HNF4A: variants seen among roughly 807,000 people sequenced by gnomAD.
The protein encoded by HNF4A is hepatocyte nuclear factor 4 alpha, also known as hepatocyte nuclear factor 4-alpha.
A neutral mutation model predicts 52.4 loss-of-function variants in HNF4A; 15 were observed. The ratio of observed to expected loss-of-function variants is 0.29; its 90% CI spans 0.19 to 0.44. The LOEUF (loss-of-function observed/expected upper bound fraction) is 0.44, where lower values mean the gene tolerates loss of function less well. Among genes scored for constraint, HNF4A ranks in the 20% least tolerant of loss-of-function variants. The probability of loss-of-function intolerance (pLI) is 1.00; values close to 1 mark genes in which losing one functional copy is unlikely to be tolerated. For missense variants in HNF4A, 479 were observed against 647.2 expected, an observed-to-expected ratio of 0.74 and a Z score of 2.82; for synonymous variants, 280 against 264.4, an observed-to-expected ratio of 1.06 and a Z score of -0.57.
At chr20:44,384,361 G>T (rs1377706122) in intron 1 of HNF4A, among the ~76,000 whole-genome samples, 1 of 151,906 alleles carries the variant, frequency 6.6e-6, no homozygotes, top group Non-Finnish European at 1.5e-5. Flanking sequence ...GAAGTGAGTT[G>T]ATGTAAGAAA....
intron 1 of HNF4A, among the ~76,000 whole-genome samples, chr20:44,365,130 A>G (rs1600632830): frequency 6.6e-6 from 1 of 152,260 alleles, no homozygotes; most frequent in East Asian, 1.9e-4. Context: ...ACAAGTGTAA[A>G]TATACAATTT....
chr20:44,384,830 A>G (rs1020088717), intron 1 of HNF4A, among the ~76,000 whole-genome samples: 3 of 152,160 alleles, frequency 2.0e-5, no homozygotes, highest in African/African-American at 7.2e-5. Context: ...AGATAGGCTG[A>G]GTCATGACTC....
upstream of HNF4A, chr20:44,401,238 C>T: frequency 6.5e-7 from 1 of 1,546,378 alleles, no homozygotes; most frequent in Non-Finnish European, 8.7e-7. Flanking sequence ...AGACTCCCAG[C>T]AGATCTTCCC....
At position 44,401,412 on chromosome 20, in the gene HNF4A, G is replaced by A. The variant is rs761696474; in HGVS notation, c.40G>A (p.Asp14Asn). The A allele has an allele frequency of 7.4e-6, 12 of 1,614,048 alleles. No homozygotes were observed. The highest frequency in any genetic ancestry group is 4.5e-5 in the East Asian group (2 of 44,886). ...AACCCTCGTCGACATGGACATGGCC[G>A]ACTACAGTGCTGCACTGGACCCAGC... The change falls in exon 1 of 10, where the codon GAC becomes AAC. Residue 14 changes from aspartate (D) to asparagine (N), a missense_variant. Around this residue, in one of 3 missense-constraint regions of HNF4A, gnomAD observed 90 missense variants for 105.5 expected, o/e 0.85. Transcript: ENST00000316099.
chr20:44,373,880 G>T (rs908370965), intron 1 of HNF4A, among the ~76,000 whole-genome samples: 1 of 151,864 alleles, frequency 6.6e-6, no homozygotes, highest in African/African-American at 2.4e-5. Flanking sequence ...AGTAGAGGTG[G>T]GGTTTCACCA....
upstream of HNF4A, among the ~76,000 whole-genome samples, chr20:44,400,483 T>C (rs1371951721): frequency 6.6e-6 from 1 of 152,030 alleles, no homozygotes; most frequent in African/African-American, 2.4e-5. Flanking sequence ...AGGAGAATCA[T>C]TTACCCAAGG....
At chr20:44,428,543 G>A in intron 9 of HNF4A, 56 bp downstream of exon 9, 4 of 1,552,620 alleles carry the variant, frequency 2.6e-6, no homozygotes, top group Middle Eastern at 1.7e-4. Context: ...CTTAAGACAG[G>A]AGGCAGGAGA....
At chr20:44,423,686 A>G (rs2063778202) in intron 7 of HNF4A, among the ~76,000 whole-genome samples, 1 of 152,234 alleles carries the variant, frequency 6.6e-6, no homozygotes, top group African/African-American at 2.4e-5. Context: ...GACAAGTCCT[A>G]TCTTTGCACT....
upstream of HNF4A, among the ~76,000 whole-genome samples, chr20:44,396,666 T>C (rs1411331194): frequency 6.6e-6 from 1 of 152,168 alleles, no homozygotes; most frequent in African/African-American, 2.4e-5. Flanking sequence ...TTCCAACTGA[T>C]TATGTGGCCA....
intron 1 of HNF4A, among the ~76,000 whole-genome samples, chr20:44,373,988 C>G (rs572773696): frequency 6.6e-6 from 1 of 152,104 alleles, no homozygotes; most frequent in African/African-American, 2.4e-5. Context: ...CTGCACCAGG[C>G]CTTAATTAAA....
chr20:44,370,178 C>T (rs1259281759), intron 1 of HNF4A, among the ~76,000 whole-genome samples: 2 of 152,230 alleles, frequency 1.3e-5, no homozygotes, highest in African/African-American at 4.8e-5. Context: ...CAGGCGCCCG[C>T]CACTGCGCCC....
intron 6 of HNF4A, 58 bp from the exon 7 acceptor site, chr20:44,419,663 G>C: frequency 6.4e-7 from 1 of 1,568,096 alleles, no homozygotes; most frequent in Non-Finnish European, 8.7e-7. Context: ...GCCAAAACTA[G>C]AGGAGAGGGG....
intron 1 of HNF4A, among the ~76,000 whole-genome samples, chr20:44,383,774 G>C (rs1353605090): frequency 6.6e-6 from 1 of 151,928 alleles, no homozygotes; most frequent in Non-Finnish European, 1.5e-5. Context: ...GGGTGGTCTT[G>C]AACTCCTGAC....
At chr20:44,414,354 C>T (rs1280651873) in intron 4 of HNF4A, among the ~76,000 whole-genome samples, 153 bp from the exon 5 acceptor site, 3 of 152,216 alleles carry the variant, frequency 2.0e-5, no homozygotes, top group East Asian at 1.9e-4. Flanking sequence ...TCCCTCCCTC[C>T]GTTTTTACCC....
At position 44,366,244 on chromosome 20, in the gene HNF4A, G is replaced by A. The variant is rs2062968900; in HGVS notation, c.49+10391G>A. On this transcript the variant is annotated intron_variant, in intron 1 of 9. Coordinates refer to the HNF4A transcript ENST00000316673. ...TTTGTTTTATTTATGTATATTTATG[G>A]ATTTGTGCTTGATGTTGTGATAATA... 3.9e-5 allele frequency among the ~76,000 whole-genome samples: 6 copies of A among 152,128 alleles called. No homozygotes were observed. The South Asian group carries it at 1.2e-3, about 32-fold the overall frequency.
intron 1 of HNF4A, among the ~76,000 whole-genome samples, chr20:44,358,130 T>TAA (rs970741006): frequency 1.5e-5 from 2 of 129,600 alleles, no homozygotes; most frequent in Admixed American, 8.2e-5. Flanking sequence ...CTACCTTATT[T>TAA]AAAAAAAAAA....
rs1194447258 is a variant in HNF4A, at chr20:44,386,601, A to G, written c.50-19457A>G. Among the ~76,000 whole-genome samples, 3 of 152,232 alleles carry G rather than the reference A, an allele frequency of 2.0e-5. No individual in the cohort carries two copies. The East Asian group carries it at 5.8e-4, about 29-fold the overall frequency. On this transcript the variant is annotated intron_variant, in intron 1 of 9. Transcript: ENST00000316673. ...GTGGTTCTCAGTGGAGATAATTTCA[A>G]CCCCCAAGGGACATTTATAAATGTC...
At position 44,432,645 on chromosome 20, in the gene HNF4A, T is replaced by G; in HGVS notation, c.*2980T>G. 6.6e-6 allele frequency: 1 copy of G among 152,152 alleles called. No individual in the cohort carries two copies. Among genetic ancestry groups the G allele is most frequent in the East Asian group, 1.9e-4 (1 of 5,200 alleles). 9.4% of individuals were successfully genotyped at this position (152,152 alleles called of 1,614,324 possible). A position where few individuals can be genotyped will look rare whatever the true frequency, so the allele number is the denominator to read the frequency against. On this transcript the variant is annotated 3_prime_UTR_variant, in exon 10 of 10. Coordinates refer to ENST00000316099, the MANE Select transcript of HNF4A (RefSeq NM_000457.6). ...ATTAAGATGAATTGTGAAATTTACA[T>G]CAAGCAATTATCAAAGCGGGCTGGG...
rs138290205 is a variant in HNF4A, at chr20:44,413,695, C to A, written c.387C>A (p.Ala129=). ...TCACCTCTCTGTGCCTCCTCACAGC[C>A]GTCCAGAATGAGCGGGACCGGATCA... The change falls in exon 4 of 10, where the codon GCC becomes GCA. Residue 129 remains alanine, a splice_region_variant and synonymous_variant. Transcript: ENST00000316099. 1.2e-6 allele frequency: 2 copies of A among 1,612,934 alleles called. No homozygotes were observed. The highest frequency in any genetic ancestry group is 1.7e-6 in the Non-Finnish European group (2 of 1,179,246).
Sources: gnomAD v4.1 joint callset for allele counts (sites outside exome capture counted in the v4.1 genomes callset) on GRCh38, gnomAD v4.1.1 for gene constraint, gnomAD v4.1.1 regional missense constraint, MANE v1.5 for transcripts, NCBI Gene and HGNC (gene_info 2026-07-23, HGNC 2026-07-21) for gene names.